Variants in TRIM67 observed in about 807,000 individuals in gnomAD.
TRIM67 encodes the protein tripartite motif containing 67, also known as tripartite motif-containing protein 67.
A neutral mutation model predicts 71.0 loss-of-function variants in TRIM67; 39 were observed. That is an observed-to-expected ratio of 0.55 (90% CI 0.43 to 0.72). The LOEUF is 0.72. Ranked by LOEUF, TRIM67 falls within the 30% of genes least tolerant of loss-of-function variation. The probability of loss-of-function intolerance (pLI) is 0.00; values close to 1 mark genes in which losing one functional copy is unlikely to be tolerated. For missense variants in TRIM67, 973 were observed against 1,079.2 expected (o/e 0.90, Z 1.38); for synonymous variants, 481 against 473.9 (o/e 1.01, Z -0.19).
chr1:231,202,070 G>GTA (rs1683542367), intron 5 of TRIM67, among the ~76,000 whole-genome samples: 1 of 66,000 alleles, frequency 1.5e-5, no homozygotes, highest in Non-Finnish European at 3.4e-5. Flanking sequence ...AGGAGATGGA[G>GTA]GAGGAGGAGG....
At chr1:231,166,016 G>A (rs1448015578) in intron 1 of TRIM67, among the ~76,000 whole-genome samples, 7 of 152,198 alleles carry the variant, frequency 4.6e-5, no homozygotes, top group Non-Finnish European at 8.8e-5. Flanking sequence ...AAGAACTAAG[G>A]TTATACAGGA....
chr1:231,176,016 G>A (rs1275121921), intron 1 of TRIM67, among the ~76,000 whole-genome samples: 1 of 152,176 alleles, frequency 6.6e-6, no homozygotes, highest in African/African-American at 2.4e-5. Context: ...TGGGAGGGTG[G>A]AATGTGGGAC....
chr1:231,181,313 T>C (rs1682899906), intron 1 of TRIM67, among the ~76,000 whole-genome samples: 1 of 152,186 alleles, frequency 6.6e-6, no homozygotes, highest in Non-Finnish European at 1.5e-5. Flanking sequence ...CTCCTTTTCC[T>C]CTGCTATGAG....
At position 231,162,953 on chromosome 1, in the gene TRIM67, T is replaced by G. The variant is rs112692510; in HGVS notation, c.-17T>G. On this transcript the variant is annotated 5_prime_UTR_variant, in exon 1 of 10. Coordinates refer to ENST00000366653, the MANE Select transcript of TRIM67 (RefSeq NM_001004342.5). ...ATTCATCCCCAGCGCAGAGCAGCGC[T>G]GGCAGCCGGCGCCGCGATGGAGGAA... is the stretch of plus-strand genomic sequence containing the variant. 133,425 of 1,606,988 alleles carry G rather than the reference T, an allele frequency of 0.083. 7,354 individuals are homozygous for G. The highest frequency in any genetic ancestry group is 0.27 in the East Asian group (12,119 of 44,458).
intron 1 of TRIM67, among the ~76,000 whole-genome samples, chr1:231,192,559 A>AT (rs1683259403): frequency 6.6e-6 from 1 of 152,202 alleles, no homozygotes; most frequent in African/African-American, 2.4e-5. Flanking sequence ...ATCAGGTCTG[A>AT]TTTCCACAAT....
chr1:231,209,939 T>C lies in TRIM67; in HGVS notation c.2123+689T>C, dbSNP rs74143588. The stretch of plus-strand genomic sequence containing the variant: ...GGGATGGGTCCTCCAGGGCTGCCCC[T>C]GAGGCCTGGGCTTCTCTAGGGTGCC... On this transcript the variant is annotated intron_variant, in intron 8 of 9. Coordinates refer to ENST00000366653, the MANE Select transcript of TRIM67 (RefSeq NM_001004342.5). The surrounding 1 kb of genome is among the most constrained non-coding windows in gnomAD (Gnocchi z 4.1). Among the ~76,000 whole-genome samples the C allele has an allele frequency of 0.017, 2,580 of 152,258 alleles. 65 individuals are homozygous for C. The highest frequency in any genetic ancestry group is 0.057 in the African/African-American group (2,360 of 41,550).
At chr1:231,189,391 G>C (rs1683173868) in intron 1 of TRIM67, among the ~76,000 whole-genome samples, 1 of 152,144 alleles carries the variant, frequency 6.6e-6, no homozygotes, top group Non-Finnish European at 1.5e-5. Context: ...TAAGCATCTT[G>C]AGATGGGGAG....
chr1:231,212,255 C>A (rs1683892224), intron 8 of TRIM67, among the ~76,000 whole-genome samples: 1 of 152,192 alleles, frequency 6.6e-6, no homozygotes, highest in African/African-American at 2.4e-5. Context: ...CTAAATCTTT[C>A]ATTATAATTA....
intron 1 of TRIM67, among the ~76,000 whole-genome samples, chr1:231,164,556 G>A (rs1409912045): frequency 6.6e-6 from 1 of 152,154 alleles, no homozygotes; most frequent in Non-Finnish European, 1.5e-5. Context: ...AAATGCCAAA[G>A]ATGAGCAATT....
chr1:231,187,003 T>A (rs80273715), intron 1 of TRIM67, among the ~76,000 whole-genome samples: 2 of 152,118 alleles, frequency 1.3e-5, no homozygotes, highest in East Asian at 3.9e-4. Flanking sequence ...GCAAGGCTAA[T>A]GAGGATGCCC....
intron 6 of TRIM67, among the ~76,000 whole-genome samples, chr1:231,206,183 T>G (rs1000895378): frequency 2.6e-5 from 4 of 151,978 alleles, no homozygotes; most frequent in African/African-American, 9.7e-5. Flanking sequence ...ATCCCAGCAC[T>G]TTGGGAGGCC....
intron 5 of TRIM67, among the ~76,000 whole-genome samples, chr1:231,202,490 A>G (rs1282692058): frequency 2.0e-5 from 3 of 152,090 alleles, no homozygotes; most frequent in Non-Finnish European, 4.4e-5. Context: ...AGGGTTAAGT[A>G]AAGTTTGCAT....
intron 8 of TRIM67, among the ~76,000 whole-genome samples, chr1:231,210,717 C>T (rs1049027396): frequency 1.3e-5 from 2 of 151,814 alleles, no homozygotes; most frequent in African/African-American, 2.4e-5. Context: ...TGCAAAGGTA[C>T]TATTATTGTT....
intron 9 of TRIM67, 83 bp downstream of exon 9, chr1:231,214,060 G>A (rs1558309407): frequency 7.0e-7 from 1 of 1,432,392 alleles, no homozygotes; most frequent in Non-Finnish European, 9.3e-7. Flanking sequence ...TGGGCAGAGT[G>A]GGCCATAAAG....
chr1:231,201,297 C>A (rs1427809519), intron 4 of TRIM67, 61 bp from the exon 5 acceptor site: 7 of 1,541,680 alleles, frequency 4.5e-6, no homozygotes, highest in Non-Finnish European at 5.3e-6. Flanking sequence ...TCTTCCTCAC[C>A]CCTGGCTGCA....
chr1:231,206,687 C>T lies in TRIM67; in HGVS notation c.1716C>T (p.Ile572=), dbSNP rs565737317. Residue 572 remains isoleucine, a synonymous_variant, in exon 7 of 10, where the codon ATC becomes ATT. Transcript: ENST00000366653. The stretch of plus-strand genomic sequence containing the variant: ...TCGGTAAGGAGACTTTGTGTACCAT[C>T]GACGGTCTTCACTTCAACAGCACCT... ...VYVGKETLCT[I]DGLHFNSTYN... is the part of the protein sequence containing the mutation. The T allele has an allele frequency of 3.1e-6, 5 of 1,611,042 alleles. No individual in the cohort carries two copies. The highest frequency in any genetic ancestry group is 2.7e-5 in the African/African-American group (2 of 74,978).
chr1:231,219,999 A>T lies in TRIM67; in HGVS notation c.*4559A>T. ...TGGTATGAGTGGGGGCCAATCTCTT[A>T]TCCTTTCTGTGCCTCAGTATCCCCA... On this transcript the variant is annotated 3_prime_UTR_variant, in exon 10 of 10. Transcript: ENST00000366653. The T allele has an allele frequency of 7.9e-7, 1 of 1,273,148 alleles. No individual in the cohort carries two copies. Among genetic ancestry groups the T allele is most frequent in the South Asian group, 1.2e-5 (1 of 80,696 alleles). The allele number at this position is 1,273,148 out of a possible 1,614,324, so 78.9% of individuals were successfully genotyped here.
chr1:231,217,668 A>C lies in TRIM67; in HGVS notation c.*2228A>C. 5 of 1,168,628 alleles carry C rather than the reference A, an allele frequency of 4.3e-6. No homozygotes were observed. Among genetic ancestry groups the C allele is most frequent in the Non-Finnish European group, 5.4e-6 (5 of 929,256 alleles). The allele number at this position is 1,168,628 out of a possible 1,614,324, so 72.4% of individuals were successfully genotyped here. ...CTGCCTGGTGACAGCAGCTTCTCAC[A>C]GGGGAGCCCTGGGGAAGGCTGTGGA... On this transcript the variant is annotated 3_prime_UTR_variant, in exon 10 of 10. Transcript: ENST00000366653.
chr1:231,209,781 G>A lies in TRIM67; in HGVS notation c.2123+531G>A, dbSNP rs1047468451. On this transcript the variant is annotated intron_variant, in intron 8 of 9. Transcript: ENST00000366653. The surrounding 1 kb of genome is among the most constrained non-coding windows in gnomAD (Gnocchi z 4.1). ...CATGGCTGGGGTGCTCACTACTAAC[G>A]AGCCTGCCAAGGGTGCCCACAGCTG... 3.3e-5 allele frequency among the ~76,000 whole-genome samples: 5 copies of A among 152,200 alleles called. No individual in the cohort carries two copies. The highest frequency in any genetic ancestry group is 1.9e-4 in the East Asian group (1 of 5,176).
Sources: gnomAD v4.1 joint callset for allele counts (sites outside exome capture counted in the v4.1 genomes callset) on GRCh38, gnomAD v4.1.1 for gene constraint, Gnocchi (gnomAD v3.1) non-coding constraint, MANE v1.5 for transcripts, NCBI Gene and HGNC (gene_info 2026-07-23, HGNC 2026-07-21) for gene names.